CCDC102B: variants seen among roughly 807,000 people sequenced by gnomAD.
CCDC102B encodes the protein coiled-coil domain containing 102B.
Under a neutral mutation model 57.4 loss-of-function variants are expected in CCDC102B, and 75 were observed. The ratio of observed to expected loss-of-function variants is 1.31; its 90% CI spans 1.08 to 1.58. The LOEUF (loss-of-function observed/expected upper bound fraction) is 1.58, where lower values mean the gene tolerates loss of function less well. CCDC102B is among the 40% of genes most tolerant of loss of function. CCDC102B has a pLI of 0.00. For missense variants in CCDC102B, 636 were observed against 582.6 expected (o/e 1.09, Z -0.94); for synonymous variants, 206 against 201.9 (o/e 1.02, Z -0.17).
Position 69,028,885 on chromosome 18 carries a change from T to A in CCDC102B, c.1434+17781T>A, listed in dbSNP as rs558079277. On this transcript the variant is annotated intron_variant, in intron 7 of 7. Coordinates refer to ENST00000360242, the MANE Select transcript of CCDC102B (RefSeq NM_024781.3). ...TTCCTTCATGTGTACAGCTCTTTTT[T>A]AAAAAAAAAACTAGAATTTCCTTTC... 3.2e-3 allele frequency among the ~76,000 whole-genome samples: 479 copies of A among 149,386 alleles called. 1 individual carries two copies. Among genetic ancestry groups the A allele is most frequent in the African/African-American group, 2.9e-3 (120 of 40,826 alleles).
At chr18:68,892,628 G>A (rs1040475025) in intron 5 of CCDC102B, among the ~76,000 whole-genome samples, 1 of 151,984 alleles carries the variant, frequency 6.6e-6, no homozygotes, top group East Asian at 1.9e-4. Context: ...CTGTGTTCAC[G>A]TTCTAAACTA....
chr18:68,914,584 A>G (rs931891473), intron 6 of CCDC102B, among the ~76,000 whole-genome samples: 3 of 152,218 alleles, frequency 2.0e-5, no homozygotes, highest in African/African-American at 7.2e-5. Context: ...TTTGGATTGC[A>G]TGGAGGCTGG....
At chr18:68,746,927 A>ATATT (rs992713165) in intron 2 of CCDC102B, among the ~76,000 whole-genome samples, 1 of 151,950 alleles carries the variant, frequency 6.6e-6, no homozygotes, top group South Asian at 2.1e-4. Context: ...CATAAGATCT[A>ATATT]TATTTATTTA....
intron 2 of CCDC102B, among the ~76,000 whole-genome samples, chr18:68,771,485 G>A (rs1305003167): frequency 6.6e-6 from 1 of 152,132 alleles, no homozygotes; most frequent in African/African-American, 2.4e-5. Flanking sequence ...TTCATCTCAG[G>A]ATAAATACAA....
At chr18:68,856,071 C>A (rs928400380) in intron 4 of CCDC102B, among the ~76,000 whole-genome samples, 2 of 151,988 alleles carry the variant, frequency 1.3e-5, no homozygotes, top group Non-Finnish European at 2.9e-5. Flanking sequence ...TCATTGTGAC[C>A]ATAGTTGGCG....
intron 1 of CCDC102B, among the ~76,000 whole-genome samples, chr18:68,819,276 T>G (rs974067357): frequency 2.6e-5 from 4 of 152,094 alleles, no homozygotes; most frequent in African/African-American, 9.6e-5. Context: ...ACTGACTGTT[T>G]TAAAAGCTGT....
chr18:68,858,231 T>G (rs2038572678), intron 4 of CCDC102B, among the ~76,000 whole-genome samples: 1 of 152,240 alleles, frequency 6.6e-6, no homozygotes, highest in Non-Finnish European at 1.5e-5. Flanking sequence ...GTGTTTACTT[T>G]TTTCTTCTAT....
chr18:68,721,599 TAGAA>T (rs1369554912), intron 2 of CCDC102B: 5 of 152,128 alleles, frequency 3.3e-5, no homozygotes, highest in Non-Finnish European at 5.9e-5. Flanking sequence ...TATTTAGAAA[TAGAA>T]AGGGAAGAAT....
intron 6 of CCDC102B, among the ~76,000 whole-genome samples, chr18:68,946,810 A>C (rs547883797): frequency 1.3e-5 from 2 of 152,160 alleles, no homozygotes; most frequent in South Asian, 2.1e-4. Context: ...TAAAGATTTC[A>C]TTCCAAATTG....
intron 2 of CCDC102B, among the ~76,000 whole-genome samples, chr18:68,759,013 AAAAAC>A (rs1393339737): frequency 6.6e-6 from 1 of 151,008 alleles, no homozygotes; most frequent in Non-Finnish European, 1.5e-5. Flanking sequence ...CCTACCTAAA[AAAAAC>A]AAAAACAAAC....
chr18:68,911,709 G>A (rs111525420), intron 6 of CCDC102B, among the ~76,000 whole-genome samples: 12,250 of 114,942 alleles, frequency 0.11, 826 homozygotes, highest in South Asian at 0.22. Flanking sequence ...CCGAGATCGC[G>A]CCACTGCACT....
Position 69,038,164 on chromosome 18 carries a change from T to A in CCDC102B, c.1435-15866T>A, listed in dbSNP as rs1015014164. 1.2e-4 allele frequency among the ~76,000 whole-genome samples: 19 copies of A among 152,030 alleles called. No individual in the cohort carries two copies. The South Asian group carries it at 3.3e-3, about 27-fold the overall frequency. Reference sequence around the variant, plus strand: ...AAGAAATGTCATAAATTATACATAGTATTGTGAGGATTTTTAATCAACTTA... The same window carrying A: ...AAGAAATGTCATAAATTATACATAGAATTGTGAGGATTTTTAATCAACTTA... On this transcript the variant is annotated intron_variant, in intron 7 of 7. Transcript: ENST00000360242.
intron 6 of CCDC102B, among the ~76,000 whole-genome samples, chr18:68,956,521 TTA>T (rs2049889850): frequency 1.2e-4 from 2 of 17,204 alleles, no homozygotes; most frequent in African/African-American, 4.3e-4. Flanking sequence ...ATATCGCATA[TTA>T]TATATATTAT....
chr18:68,917,717 T>G (rs1296138097), intron 6 of CCDC102B, among the ~76,000 whole-genome samples: 1 of 152,212 alleles, frequency 6.6e-6, no homozygotes, highest in Non-Finnish European at 1.5e-5. Flanking sequence ...AATAATTATT[T>G]CGGATGCTTT....
intron 2 of CCDC102B, among the ~76,000 whole-genome samples, chr18:68,771,336 A>G (rs17079687): frequency 0.036 from 5,529 of 152,262 alleles, 183 homozygotes; most frequent in Admixed American, 0.096. Context: ...GTGACTAGTC[A>G]AGATAAGAAG....
intron 1 of CCDC102B, among the ~76,000 whole-genome samples, chr18:68,798,699 A>C (rs754904599): frequency 6.6e-5 from 10 of 152,172 alleles, no homozygotes; most frequent in Non-Finnish European, 1.3e-4. Flanking sequence ...CAAACTTAGC[A>C]TGAATATTGA....
chr18:68,856,727 A>G (rs2038402772), intron 4 of CCDC102B, among the ~76,000 whole-genome samples: 1 of 152,102 alleles, frequency 6.6e-6, no homozygotes, highest in Admixed American at 6.6e-5. Context: ...GTGATAAATT[A>G]AAATGGTATC....
rs1389260356 is a variant in CCDC102B, at chr18:68,761,972, G to C, written c.-67+45378G>C. The stretch of plus-strand genomic sequence containing the variant: ...TAAAAATCTTGGCGCTAGTTTGTAA[G>C]TAATTCCGGTCTGTTTAAACTTATT... On this transcript the variant is annotated intron_variant, in intron 2 of 3. Coordinates refer to the CCDC102B transcript ENST00000578970. Among the ~76,000 whole-genome samples the C allele has an allele frequency of 2.0e-5, 3 of 152,158 alleles. No homozygotes were observed. In the East Asian group the frequency reaches 5.8e-4, roughly 29 times the overall value.
chr18:68,945,201 GAATA>G (rs1294203726), intron 6 of CCDC102B, among the ~76,000 whole-genome samples: 1 of 149,412 alleles, frequency 6.7e-6, no homozygotes, highest in African/African-American at 2.5e-5. Context: ...TATATAATTT[GAATA>G]AATAAATGAC....
Sources: gnomAD v4.1 joint callset for allele counts (sites outside exome capture counted in the v4.1 genomes callset) on GRCh38, gnomAD v4.1.1 for gene constraint, MANE v1.5 for transcripts, NCBI Gene and HGNC (gene_info 2026-07-23, HGNC 2026-07-21) for gene names.